The following REEP5 variants were observed in gnomAD, a reference collection of about 807,000 sequenced individuals.
REEP5 encodes the protein receptor accessory protein 5, also known as receptor expression-enhancing protein 5.
In REEP5, 24 loss-of-function variants were observed where a neutral mutation model predicts 22.4. That is an observed-to-expected ratio of 1.07 (90% CI 0.78 to 1.51). The LOEUF is 1.51. REEP5 is among the 40% of genes most tolerant of loss of function. The pLI, the probability that REEP5 is intolerant of heterozygous loss-of-function variation, is 0.00. For synonymous variants in REEP5, 103 were observed against 88.6 expected (o/e 1.16, Z -0.92); for missense variants, 252 against 233.0 (o/e 1.08, Z -0.53).
In REEP5 at chr5:112,893,240, T is replaced by C. The variant is rs540891421; in HGVS notation, c.352-6057A>G. 2.6e-5 allele frequency: 8 copies of C among 310,486 alleles called. No homozygotes were observed. The Admixed American group carries it at 2.8e-4, about 11-fold the overall frequency. The allele number at this position is 310,486 out of a possible 1,614,324, so 19.2% of individuals were successfully genotyped here. On this transcript the variant is annotated intron_variant, in intron 3 of 4. Coordinates refer to ENST00000379638, the MANE Select transcript of REEP5 (RefSeq NM_005669.5). ...GCCTGGCCAACATGGCAAAACCCCA[T>C]TTCTACTAAAAATACAAAAATTAGC...
intron 2 of REEP5, among the ~76,000 whole-genome samples, chr5:112,915,877 A>AT (rs1554094968): frequency 2.1e-4 from 26 of 126,246 alleles, no homozygotes; most frequent in East Asian, 1.8e-3. Flanking sequence ...CATAATTACA[A>AT]TTTAAAAAAA....
At chr5:112,914,334 G>A (rs762489526) in intron 2 of REEP5, among the ~76,000 whole-genome samples, 4 of 150,514 alleles carry the variant, frequency 2.7e-5, no homozygotes, top group Non-Finnish European at 4.4e-5. Context: ...CCACAGCCTT[G>A]ACTTTCTCAA....
chr5:112,916,468 A>C (rs1052803481), intron 2 of REEP5, among the ~76,000 whole-genome samples: 4 of 152,252 alleles, frequency 2.6e-5, no homozygotes, highest in Non-Finnish European at 5.9e-5. Context: ...TCAAAGCTAC[A>C]TAACAGATAA....
In REEP5 at chr5:112,878,306, T is replaced by A. The variant is rs1034776763; in HGVS notation, c.*480A>T. Reference sequence around the variant, plus strand: ...CCCTGCTCCCTCCCCATGAGCATGATGCATGTTGTAGTCAGACAGTAACAT... The same window carrying A: ...CCCTGCTCCCTCCCCATGAGCATGAAGCATGTTGTAGTCAGACAGTAACAT... On this transcript the variant is annotated 3_prime_UTR_variant, in exon 5 of 5. Transcript: ENST00000379638. 4 of 156,416 alleles carry A rather than the reference T, an allele frequency of 2.6e-5. No homozygotes were observed. Among genetic ancestry groups the A allele is most frequent in the Non-Finnish European group, 1.4e-5 (1 of 70,364 alleles). 9.7% of individuals were successfully genotyped at this position (156,416 alleles called of 1,614,324 possible).
At position 112,900,984 on chromosome 5, in the gene REEP5, ACT is replaced by A. The variant is rs551893869; in HGVS notation, c.351+1394_351+1395del. On this transcript the variant is annotated intron_variant, in intron 3 of 4. Transcript: ENST00000379638. The stretch of plus-strand genomic sequence containing the variant: ...CCTGAGTAGCTGGGACTACAGGTGC[ACT>A]CTGCCACACCCAGCTAATTTCGTTT... Among the ~76,000 whole-genome samples the A allele has an allele frequency of 1.7e-3, 255 of 151,658 alleles. 2 individuals are homozygous for A. The highest frequency in any genetic ancestry group is 5.9e-3 in the African/African-American group (242 of 41,294).
intron 2 of REEP5, among the ~76,000 whole-genome samples, chr5:112,919,223 TA>T (rs897239360): frequency 4.6e-5 from 7 of 152,120 alleles, no homozygotes; most frequent in Non-Finnish European, 8.8e-5. Flanking sequence ...GTATTAGTAT[TA>T]AATAGTGGTG....
intron 4 of REEP5, among the ~76,000 whole-genome samples, chr5:112,880,802 G>A (rs1768050369): frequency 6.6e-6 from 1 of 152,176 alleles, no homozygotes; most frequent in African/African-American, 2.4e-5. Context: ...TAGGCTAAGG[G>A]AAGGGAGAAG....
At position 112,891,728 on chromosome 5, in the gene REEP5, A is replaced by C; in HGVS notation, c.352-4545T>G. On this transcript the variant is annotated intron_variant, in intron 3 of 4. Transcript: ENST00000379638. ...AAAAAGTACAGGGCCGCCCTGAAGA[A>C]GGAGAAACGAAAGAAACGTCGGCAG... The C allele has an allele frequency of 1.9e-6, 3 of 1,614,172 alleles. No individual in the cohort carries two copies. In the African/African-American group the frequency reaches 4.0e-5, roughly 22 times the overall value.
Position 112,891,767 on chromosome 5 carries a change from TGAGA to T in REEP5, c.352-4588_352-4585del, listed in dbSNP as rs770682390. 3.3e-5 allele frequency: 54 copies of T among 1,614,064 alleles called. No homozygotes were observed. The African/African-American group carries it at 4.9e-4, about 15-fold the overall frequency. On this transcript the variant is annotated intron_variant, in intron 3 of 4. Coordinates refer to ENST00000379638, the MANE Select transcript of REEP5 (RefSeq NM_005669.5). ...AAACGTCGGCAGGAACTTGCTCGACTGAGAGACTCAGGACTCTCACAGGAGGAGG... is the reference window on the plus strand; with the variant it reads ...AAACGTCGGCAGGAACTTGCTCGACTGACTCAGGACTCTCACAGGAGGAGG...
intron 2 of REEP5, 131 bp downstream of exon 2, chr5:112,921,032 T>C (rs1330440491): frequency 7.3e-6 from 6 of 818,350 alleles, no homozygotes; most frequent in African/African-American, 1.7e-5. Context: ...CCACCCCTTA[T>C]GTCCAACCTC....
At chr5:112,885,917 G>A (rs1768228710) in intron 4 of REEP5, among the ~76,000 whole-genome samples, 1 of 152,116 alleles carries the variant, frequency 6.6e-6, no homozygotes, top group Non-Finnish European at 1.5e-5. Context: ...TCCAGACCTG[G>A]GTATCTCCAA....
chr5:112,903,763 A>G (rs1363543564), intron 2 of REEP5, among the ~76,000 whole-genome samples: 1 of 152,216 alleles, frequency 6.6e-6, no homozygotes, highest in Non-Finnish European at 1.5e-5. Context: ...TAGCTCAATG[A>G]GATGATTACT....
At position 112,878,010 on chromosome 5, in the gene REEP5, TGTGTGTGTGTG is replaced by T. The variant is rs1767950822; in HGVS notation, c.*765_*775del. On this transcript the variant is annotated 3_prime_UTR_variant, in exon 5 of 5. Transcript: ENST00000379638. The stretch of plus-strand genomic sequence containing the variant: ...GTGTGTGTGTGTGTGTGTGTGTGTG[TGTGTGTGTGTG>T]TAAATTTCCCGATTTATCACTAGAG... The T allele has an allele frequency of 7.1e-6, 1 of 140,314 alleles. No homozygotes were observed. The highest frequency in any genetic ancestry group is 1.6e-5 in the Non-Finnish European group (1 of 63,880). 8.7% of individuals were successfully genotyped at this position (140,314 alleles called of 1,614,324 possible).
chr5:112,914,455 C>A (rs1166820772), intron 2 of REEP5, among the ~76,000 whole-genome samples: 1 of 151,892 alleles, frequency 6.6e-6, no homozygotes, highest in African/African-American at 2.4e-5. Flanking sequence ...CCAGGCTGGT[C>A]TCAAACTCAA....
rs180706948 is a variant in REEP5, at chr5:112,905,388, A to C, written c.213-2870T>G. ...AAACCCCACCTCTACTAAAAATACA[A>C]AAATTAGCCGGGCGTGGTGGCACAT... On this transcript the variant is annotated intron_variant, in intron 2 of 4. Transcript: ENST00000379638. 1.2e-4 allele frequency among the ~76,000 whole-genome samples: 19 copies of C among 152,056 alleles called. No homozygotes were observed. The East Asian group carries it at 3.3e-3, about 27-fold the overall frequency.
chr5:112,896,944 A>T (rs1340325973), intron 3 of REEP5: 1 of 152,162 alleles, frequency 6.6e-6, no homozygotes, highest in East Asian at 1.9e-4. Context: ...AAGTAAAGTA[A>T]ATCTAGAAAA....
At chr5:112,879,937 A>G (rs1195576951) in intron 4 of REEP5, among the ~76,000 whole-genome samples, 1 of 152,070 alleles carries the variant, frequency 6.6e-6, no homozygotes, top group African/African-American at 2.4e-5. Flanking sequence ...TTTTAAAAAA[A>G]TTTTAAAAGC....
At chr5:112,908,342 A>G (rs1326739325) in intron 2 of REEP5, among the ~76,000 whole-genome samples, 1 of 152,032 alleles carries the variant, frequency 6.6e-6, no homozygotes. Context: ...ACCTCAGGCG[A>G]TCTACCCACC....
At chr5:112,918,217 T>G (rs1380976642) in intron 2 of REEP5, among the ~76,000 whole-genome samples, 1 of 152,050 alleles carries the variant, frequency 6.6e-6, no homozygotes, top group Non-Finnish European at 1.5e-5. Context: ...CTCAAAGAGC[T>G]CAAAGGGAAA....
Sources: gnomAD v4.1 joint callset for allele counts (sites outside exome capture counted in the v4.1 genomes callset) on GRCh38, gnomAD v4.1.1 for gene constraint, MANE v1.5 for transcripts, NCBI Gene and HGNC (gene_info 2026-07-23, HGNC 2026-07-21) for gene names.